Variants in GSG1L observed in about 807,000 individuals in gnomAD.
GSG1L encodes the protein germ cell-specific gene 1-like protein.
GSG1L carries 24 observed loss-of-function variants against 42.1 expected under a neutral mutation model. That is an observed-to-expected ratio of 0.57 (90% CI 0.41 to 0.80). The LOEUF is 0.80. Among genes scored for constraint, GSG1L ranks in the 30% least tolerant of loss-of-function variants. GSG1L has a pLI of 0.00. For synonymous variants in GSG1L, 215 were observed against 203.5 expected, an observed-to-expected ratio of 1.06 and a Z score of -0.48; for missense variants, 445 against 472.2, an observed-to-expected ratio of 0.94 and a Z score of 0.53.
chr16:27,929,037 C>A (rs1356294441), intron 2 of GSG1L, among the ~76,000 whole-genome samples: 1 of 152,202 alleles, frequency 6.6e-6, no homozygotes, highest in East Asian at 1.9e-4. Context: ...ACTAACAATG[C>A]CCAGGTCCTA....
In GSG1L at chr16:27,888,533, TTCTTTC is replaced by T. The variant is rs2084078492; in HGVS notation, c.398-3901_398-3896del. ...TTTCTTTCTTTCTTTCTTTCTTTCT[TTCTTTC>T]TTTCTTTCTTTCTTTCTTTCTTTCT... On this transcript the variant is annotated intron_variant, in intron 2 of 6. Coordinates refer to ENST00000447459, the MANE Select transcript of GSG1L (RefSeq NM_001109763.2). Among the ~76,000 whole-genome samples, 5 of 27,194 alleles carry T rather than the reference TTCTTTC, an allele frequency of 1.8e-4. 1 individual carries two copies. In the Admixed American group the frequency reaches 3.5e-3, roughly 19 times the overall value. 17.8% of individuals were successfully genotyped at this position (27,194 alleles called of 152,430 possible).
intron 2 of GSG1L, among the ~76,000 whole-genome samples, chr16:27,898,195 G>A (rs968306229): frequency 5.3e-5 from 8 of 152,284 alleles, no homozygotes; most frequent in African/African-American, 1.7e-4. Flanking sequence ...AGAATCAGAT[G>A]ACAATTATTT....
chr16:27,843,451 A>T (rs1645353), intron 4 of GSG1L, among the ~76,000 whole-genome samples: 53,446 of 148,714 alleles, frequency 0.36, 10,011 homozygotes, highest in East Asian at 0.46. Context: ...TATTGCTACA[A>T]TTTTAAGATG....
chr16:27,985,776 T>C (rs2085375287), intron 1 of GSG1L, among the ~76,000 whole-genome samples: 1 of 151,948 alleles, frequency 6.6e-6, no homozygotes, highest in Non-Finnish European at 1.5e-5. Flanking sequence ...GAATTTGCGG[T>C]GAGCCAAGAT....
At chr16:27,947,246 C>T (rs1398130250) in intron 2 of GSG1L, among the ~76,000 whole-genome samples, 5 of 152,058 alleles carry the variant, frequency 3.3e-5, no homozygotes, top group Non-Finnish European at 5.9e-5. Flanking sequence ...CCTGCCTCAG[C>T]CTCCCGAGTA....
chr16:28,015,339 C>CA (rs1401577008), intron 1 of GSG1L, among the ~76,000 whole-genome samples: 2 of 152,152 alleles, frequency 1.3e-5, no homozygotes, highest in Non-Finnish European at 2.9e-5. Context: ...CCCCTGTCTA[C>CA]AAAAAAATTT....
At chr16:27,950,036 G>A (rs2084933974) in intron 2 of GSG1L, among the ~76,000 whole-genome samples, 1 of 152,212 alleles carries the variant, frequency 6.6e-6, no homozygotes, top group East Asian at 1.9e-4. Flanking sequence ...GTATAGACAT[G>A]TATGATGATG....
intron 2 of GSG1L, among the ~76,000 whole-genome samples, chr16:27,892,861 G>C (rs941722512): frequency 4.0e-5 from 6 of 151,576 alleles, no homozygotes; most frequent in Admixed American, 2.6e-4. Flanking sequence ...GTAGGTGTTG[G>C]CATCAGGCAA....
At chr16:27,795,593 G>T (rs978498455) in intron 6 of GSG1L, among the ~76,000 whole-genome samples, 4 of 152,218 alleles carry the variant, frequency 2.6e-5, no homozygotes, top group African/African-American at 9.6e-5. Context: ...AGCACTAGAA[G>T]CAGGTTGGGT....
At chr16:27,812,950 T>C (rs924425045) in intron 5 of GSG1L, among the ~76,000 whole-genome samples, 3 of 152,046 alleles carry the variant, frequency 2.0e-5, no homozygotes, top group Non-Finnish European at 4.4e-5. Context: ...CGGCTACTTT[T>C]TGTAGTTTTA....
At chr16:27,932,664 A>G (rs559013660) in intron 2 of GSG1L, among the ~76,000 whole-genome samples, 3 of 152,166 alleles carry the variant, frequency 2.0e-5, no homozygotes, top group Non-Finnish European at 4.4e-5. Context: ...GGGATTATAG[A>G]TTTGGGTGGG....
chr16:27,933,972 CAATT>C (rs1286363252), intron 2 of GSG1L, among the ~76,000 whole-genome samples: 3 of 152,184 alleles, frequency 2.0e-5, no homozygotes, highest in African/African-American at 7.2e-5. Flanking sequence ...GAGTTGAACT[CAATT>C]AAATCTTCCT....
intron 1 of GSG1L, among the ~76,000 whole-genome samples, chr16:28,058,288 G>A (rs1392660567): frequency 2.0e-5 from 3 of 152,216 alleles, no homozygotes; most frequent in Non-Finnish European, 4.4e-5. Context: ...GGAAATGAGA[G>A]CAACCACGGC....
At chr16:27,927,929 C>T (rs2084613762) in intron 2 of GSG1L, among the ~76,000 whole-genome samples, 1 of 152,080 alleles carries the variant, frequency 6.6e-6, no homozygotes, top group East Asian at 1.9e-4. Context: ...CTAAAATCTC[C>T]CCAGGTGGTT....
chr16:27,922,232 C>T (rs2084532637), intron 2 of GSG1L, among the ~76,000 whole-genome samples: 1 of 152,076 alleles, frequency 6.6e-6, no homozygotes, highest in African/African-American at 2.4e-5. Context: ...GTCAAAACTG[C>T]AGTTTTTCTC....
intron 5 of GSG1L, among the ~76,000 whole-genome samples, chr16:27,816,319 T>G (rs1223814668): frequency 1.3e-5 from 2 of 152,196 alleles, no homozygotes; most frequent in East Asian, 3.9e-4. Context: ...AACCTCTGGA[T>G]TCAGGGCAGG....
chr16:27,967,464 C>T (rs1429533085), intron 1 of GSG1L, among the ~76,000 whole-genome samples: 2 of 152,194 alleles, frequency 1.3e-5, no homozygotes, highest in Non-Finnish European at 2.9e-5. Context: ...CCGCCTTGTG[C>T]TCCGTACTGA....
chr16:27,955,882 G>GAGGAAGGTAGGAAGGAAGGA (rs2084995958), intron 2 of GSG1L, among the ~76,000 whole-genome samples: 1 of 111,016 alleles, frequency 9.0e-6, no homozygotes. Context: ...CATAAGAGAA[G>GAGGAAGGTAGGAAGGAAGGA]AGGAAGGAAG....
In GSG1L at chr16:27,943,002, T is replaced by C. The variant is rs147890485; in HGVS notation, c.397+20154A>G. Among the ~76,000 whole-genome samples the C allele has an allele frequency of 2.5e-3, 386 of 152,274 alleles. 1 individual carries two copies. Among genetic ancestry groups the C allele is most frequent in the Non-Finnish European group, 4.4e-3 (300 of 68,020 alleles). On this transcript the variant is annotated intron_variant, in intron 2 of 6. Coordinates refer to ENST00000447459, the MANE Select transcript of GSG1L (RefSeq NM_001109763.2). ...GAATTGCAGGGTCCACTGCTTCTAG[T>C]TCAGGAGGTCCGTAGTGGGACTTGA...
Sources: gnomAD v4.1 joint callset for allele counts (sites outside exome capture counted in the v4.1 genomes callset) on GRCh38, gnomAD v4.1.1 for gene constraint, MANE v1.5 for transcripts, NCBI Gene and HGNC (gene_info 2026-07-23, HGNC 2026-07-21) for gene names.